The following ZFHX3 variants were observed in gnomAD, a reference collection of about 807,000 sequenced individuals.
ZFHX3 encodes the protein zinc finger homeobox protein 3.
A neutral mutation model predicts 279.1 loss-of-function variants in ZFHX3; 42 were observed. That is an observed-to-expected ratio of 0.15 (90% confidence interval 0.12 to 0.19). The LOEUF is 0.19. Among genes scored for constraint, ZFHX3 ranks in the 10% least tolerant of loss-of-function variants. The pLI is 1.00. For missense variants in ZFHX3, 4,981 were observed against 4,754.0 expected, an observed-to-expected ratio of 1.05 and a Z score of -1.40; for synonymous variants, 2,293 against 1,957.8, an observed-to-expected ratio of 1.17 and a Z score of -4.52.
At chr16:73,532,074 T>C (rs145201038) in intron 2 of ZFHX3, among the ~76,000 whole-genome samples, 4,524 of 152,012 alleles carry the variant, frequency 0.03, 446 homozygotes, top group East Asian at 0.22. Context: ...GGCAACAGAG[T>C]GAGACCCTGT....
intron 1 of ZFHX3, among the ~76,000 whole-genome samples, chr16:73,823,996 A>G (rs146747857): frequency 6.6e-6 from 1 of 152,346 alleles, no homozygotes; most frequent in Non-Finnish European, 1.5e-5. Context: ...ACACTCCAGG[A>G]AAGTTGATGG....
chr16:73,397,893 G>A (rs569842731), intron 3 of ZFHX3, among the ~76,000 whole-genome samples: 8 of 152,294 alleles, frequency 5.3e-5, no homozygotes, highest in African/African-American at 1.7e-4. Context: ...CACCCAGGCT[G>A]GAGTGCAATG....
intron 2 of ZFHX3, among the ~76,000 whole-genome samples, chr16:73,480,298 G>T (rs2018842155): frequency 1.3e-5 from 2 of 152,034 alleles, no homozygotes; most frequent in South Asian, 4.1e-4. Context: ...TTCCTAAAAG[G>T]TTTTTATTTC....
chr16:73,642,001 G>T (rs945009409), intron 2 of ZFHX3, among the ~76,000 whole-genome samples: 1 of 151,988 alleles, frequency 6.6e-6, no homozygotes, highest in African/African-American at 2.4e-5. Flanking sequence ...ACTCCTCCCT[G>T]CAGAGAATAC....
intron 1 of ZFHX3, chr16:73,014,585 T>C (rs1014025085): frequency 7.3e-6 from 1 of 136,512 alleles, no homozygotes; most frequent in Non-Finnish European, 1.5e-5. Context: ...TGGAGTGCAG[T>C]GGTGCGATCT....
intron 3 of ZFHX3, among the ~76,000 whole-genome samples, chr16:72,906,417 A>G (rs1345726165): frequency 6.6e-6 from 1 of 151,996 alleles, no homozygotes; most frequent in East Asian, 1.9e-4. Context: ...CGCCAATCTT[A>G]TTCCAGACAG....
intron 2 of ZFHX3, among the ~76,000 whole-genome samples, chr16:73,661,996 C>A (rs1267663656): frequency 4.1e-5 from 5 of 123,090 alleles, no homozygotes; most frequent in Admixed American, 1.0e-4. Flanking sequence ...AGGATAGACA[C>A]AACGGACCAA....
intron 1 of ZFHX3, among the ~76,000 whole-genome samples, chr16:72,996,878 C>T (rs1963314882): frequency 6.6e-6 from 1 of 152,208 alleles, no homozygotes; most frequent in Non-Finnish European, 1.5e-5. Flanking sequence ...TAAGGTCAGC[C>T]TCGTTTTGCT....
intron 3 of ZFHX3, among the ~76,000 whole-genome samples, chr16:73,421,766 C>A (rs552114767): frequency 6.6e-6 from 1 of 152,228 alleles, no homozygotes; most frequent in African/African-American, 2.4e-5. Context: ...TCCAGGGCTT[C>A]TGTCTGGGTG....
chr16:73,126,103 TG>T (rs1402912766), intron 7 of ZFHX3, among the ~76,000 whole-genome samples: 1 of 151,818 alleles, frequency 6.6e-6, no homozygotes, highest in Non-Finnish European at 1.5e-5. Context: ...TGCTAGAGAA[TG>T]GGGAAAGACA....
intron 1 of ZFHX3, among the ~76,000 whole-genome samples, chr16:73,058,164 C>T (rs1965604927): frequency 6.9e-6 from 1 of 145,102 alleles, no homozygotes; most frequent in African/African-American, 2.5e-5. Context: ...TCGCCCCGGG[C>T]GCCTCCACCC....
At chr16:73,665,581 TAC>T (rs2052829603) in intron 2 of ZFHX3, among the ~76,000 whole-genome samples, 1 of 151,612 alleles carries the variant, frequency 6.6e-6, no homozygotes, top group African/African-American at 2.4e-5. Flanking sequence ...CCCAGGGTGA[TAC>T]AGAGATTGCT....
At chr16:72,905,404 G>C (rs1239420160) in intron 3 of ZFHX3, among the ~76,000 whole-genome samples, 2 of 152,050 alleles carry the variant, frequency 1.3e-5, no homozygotes, top group South Asian at 4.2e-4. Flanking sequence ...AACTGAGTTG[G>C]TCCTCCTCAT....
At chr16:73,199,228 G>T (rs145557585) in intron 5 of ZFHX3, among the ~76,000 whole-genome samples, 1 of 152,150 alleles carries the variant, frequency 6.6e-6, no homozygotes, top group African/African-American at 2.4e-5. Context: ...CTGGTCCCTC[G>T]TAGAATGGGG....
intron 2 of ZFHX3, among the ~76,000 whole-genome samples, chr16:73,665,336 C>T (rs929344454): frequency 2.0e-5 from 3 of 151,876 alleles, no homozygotes; most frequent in Non-Finnish European, 4.4e-5. Flanking sequence ...GCCTCAGCCT[C>T]CCGAGTAGCT....
chr16:73,452,881 T>A (rs2018300839), intron 3 of ZFHX3, among the ~76,000 whole-genome samples: 1 of 152,258 alleles, frequency 6.6e-6, no homozygotes, highest in Non-Finnish European at 1.5e-5. Context: ...ATTAAGTCAT[T>A]AAGTCTCTTA....
chr16:72,943,961 G>A (rs1325979261), intron 3 of ZFHX3, among the ~76,000 whole-genome samples: 1 of 152,170 alleles, frequency 6.6e-6, no homozygotes, highest in Admixed American at 6.5e-5. Context: ...TTCATAAAAA[G>A]TATCTATATG....
intron 7 of ZFHX3, among the ~76,000 whole-genome samples, chr16:72,810,778 T>C (rs2036422268): frequency 6.6e-6 from 1 of 152,176 alleles, no homozygotes; most frequent in Admixed American, 6.5e-5. Flanking sequence ...AAATTGCGGG[T>C]TCAAATCTCA....
In ZFHX3 at chr16:72,950,628, C is replaced by T. The variant is rs535095852; in HGVS notation, c.3057G>A (p.Lys1019=). The change falls in exon 3 of 10, where the codon AAG becomes AAA. Residue 1019 remains lysine, a synonymous_variant. Coordinates refer to ENST00000268489, the MANE Select transcript of ZFHX3 (RefSeq NM_006885.4). ...TCCACTCGTTGGCCTTGCCGCCCTC[C>T]TTGATGTGGGCCACCAGCTGGTACT... ...VQKYQLVAHI[K]EGGKANEWRL... is the part of the protein sequence containing the mutation. 92 of 1,614,218 alleles carry T rather than the reference C, an allele frequency of 5.7e-5. 2 individuals carry two copies. In the South Asian group the frequency reaches 9.6e-4, roughly 17 times the overall value.
Sources: gnomAD v4.1 joint callset for allele counts (sites outside exome capture counted in the v4.1 genomes callset) on GRCh38, gnomAD v4.1.1 for gene constraint, MANE v1.5 for transcripts, NCBI Gene and HGNC (gene_info 2026-07-23, HGNC 2026-07-21) for gene names.